Variants in LRRTM4 observed in about 807,000 individuals in gnomAD.
LRRTM4 encodes the protein leucine rich repeat transmembrane neuronal 4, also known as leucine-rich repeat transmembrane neuronal protein 4.
Under a neutral mutation model 47.6 loss-of-function variants are expected in LRRTM4, and 25 were observed. That is an observed-to-expected ratio of 0.53 (90% CI 0.38 to 0.73). The LOEUF is 0.73. Among genes scored for constraint, LRRTM4 ranks in the 30% least tolerant of loss-of-function variants. The probability of loss-of-function intolerance (pLI) is 0.00; values close to 1 mark genes in which losing one functional copy is unlikely to be tolerated. For synonymous variants in LRRTM4, 311 were observed against 269.5 expected, an observed-to-expected ratio of 1.15 and a Z score of -1.51; for missense variants, 638 against 713.4, an observed-to-expected ratio of 0.89 and a Z score of 1.20.
intron 3 of LRRTM4, among the ~76,000 whole-genome samples, chr2:77,410,751 G>A (rs916390933): frequency 6.6e-6 from 1 of 152,088 alleles, no homozygotes; most frequent in East Asian, 1.9e-4. Flanking sequence ...GTGAAGGGAG[G>A]GTTATTAAAA....
intron 3 of LRRTM4, among the ~76,000 whole-genome samples, chr2:76,948,620 G>C (rs1291316864): frequency 6.6e-6 from 1 of 151,756 alleles, no homozygotes; most frequent in African/African-American, 2.4e-5. Flanking sequence ...TAAACCACCA[G>C]AGATAATTTA....
intron 3 of LRRTM4, among the ~76,000 whole-genome samples, chr2:77,432,620 G>A (rs1272636909): frequency 6.6e-6 from 1 of 152,162 alleles, no homozygotes; most frequent in Non-Finnish European, 1.5e-5. Context: ...GAGACAGAAA[G>A]GCTAAGAGAT....
chr2:76,890,095 CACTATCA>C (rs1673204096), intron 3 of LRRTM4, among the ~76,000 whole-genome samples: 1 of 151,892 alleles, frequency 6.6e-6, no homozygotes, highest in South Asian at 2.1e-4. Context: ...GTAGCACACA[CACTATCA>C]AAAGCAAGAC....
rs146142597 is a variant in LRRTM4, at chr2:76,749,017, C to G, written c.1552-101G>C. On this transcript the variant is annotated intron_variant, in intron 3 of 3. Coordinates refer to ENST00000409884, the MANE Select transcript of LRRTM4 (RefSeq NM_001134745.3). ...ATTTTTGTTCTCTTTCATGCTGTTT[C>G]AAGTCATCAGCTACAAATTCAACTA... 7.3e-3 allele frequency: 6,212 copies of G among 850,686 alleles called. 132 individuals are homozygous for G. The highest frequency in any genetic ancestry group is 0.062 in the South Asian group (3,763 of 60,250). The allele number at this position is 850,686 out of a possible 1,614,324, so 52.7% of individuals were successfully genotyped here. A position where few individuals can be genotyped will look rare whatever the true frequency, so the allele number is the denominator to read the frequency against.
At chr2:77,197,502 T>C (rs1432005150) in intron 3 of LRRTM4, among the ~76,000 whole-genome samples, 1 of 152,184 alleles carries the variant, frequency 6.6e-6, no homozygotes, top group African/African-American at 2.4e-5. Flanking sequence ...AAAGAAAAAG[T>C]ACATCTTACA....
intron 3 of LRRTM4, among the ~76,000 whole-genome samples, chr2:77,248,664 A>G (rs1388300105): frequency 6.6e-6 from 1 of 152,194 alleles, no homozygotes; most frequent in Non-Finnish European, 1.5e-5. Flanking sequence ...AGTTATAGCA[A>G]TCGTGACAGT....
intron 3 of LRRTM4, among the ~76,000 whole-genome samples, chr2:76,902,927 G>A (rs998655575): frequency 2.0e-5 from 3 of 152,122 alleles, no homozygotes; most frequent in Non-Finnish European, 4.4e-5. Flanking sequence ...TCTATTTCCA[G>A]GGACTCTGAG....
chr2:77,243,851 T>C (rs927331654), intron 3 of LRRTM4, among the ~76,000 whole-genome samples: 2 of 144,350 alleles, frequency 1.4e-5, no homozygotes, highest in Non-Finnish European at 3.0e-5. Context: ...ACATGTGCCA[T>C]GCTGCTGCGC....
intron 3 of LRRTM4, among the ~76,000 whole-genome samples, chr2:77,061,378 G>GAA (rs957806294): frequency 6.6e-6 from 1 of 151,500 alleles, no homozygotes; most frequent in Non-Finnish European, 1.5e-5. Flanking sequence ...ACCAAAATCT[G>GAA]AAAAAAAAGT....
chr2:77,209,480 AC>A (rs369380470), intron 3 of LRRTM4, among the ~76,000 whole-genome samples: 98 of 152,212 alleles, frequency 6.4e-4, no homozygotes, highest in African/African-American at 2.4e-3. Context: ...CTGCAAAAGC[AC>A]AAAAATTGCA....
At chr2:77,310,056 T>G (rs1677408391) in intron 3 of LRRTM4, among the ~76,000 whole-genome samples, 1 of 152,116 alleles carries the variant, frequency 6.6e-6, no homozygotes, top group Admixed American at 6.5e-5. Flanking sequence ...AAAAAAAACT[T>G]TTTTTGGCTC....
intron 3 of LRRTM4, among the ~76,000 whole-genome samples, chr2:77,184,216 TA>T (rs1673436237): frequency 6.6e-6 from 1 of 152,016 alleles, no homozygotes; most frequent in African/African-American, 2.4e-5. Flanking sequence ...GAAAACATAT[TA>T]AAAGGAATTC....
At chr2:76,760,249 C>A (rs1361766263) in intron 3 of LRRTM4, among the ~76,000 whole-genome samples, 2 of 152,092 alleles carry the variant, frequency 1.3e-5, no homozygotes, top group Non-Finnish European at 2.9e-5. Context: ...TATTTGCATA[C>A]CTGGCACTGT....
chr2:77,165,218 G>T (rs1573027947), intron 3 of LRRTM4, among the ~76,000 whole-genome samples: 1 of 152,000 alleles, frequency 6.6e-6, no homozygotes, highest in Admixed American at 6.6e-5. Context: ...TCTAGAAAAA[G>T]TGGATAAATT....
In LRRTM4 at chr2:76,749,842, A is replaced by G. The variant is rs1672786373; in HGVS notation, c.1552-926T>C. 4.6e-5 allele frequency among the ~76,000 whole-genome samples: 7 copies of G among 152,228 alleles called. No homozygotes were observed. In the South Asian group the frequency reaches 1.4e-3, roughly 32 times the overall value. On this transcript the variant is annotated intron_variant, in intron 3 of 3. Transcript: ENST00000409884. The stretch of plus-strand genomic sequence containing the variant: ...GTTCTCATGCTAGAATATTTCTCAT[A>G]CTTGCGAGTTACAATTTGACACTCT...
chr2:76,979,903 T>C (rs1676547578), intron 3 of LRRTM4, among the ~76,000 whole-genome samples: 1 of 151,880 alleles, frequency 6.6e-6, no homozygotes, highest in South Asian at 2.1e-4. Flanking sequence ...CACCCCTTCT[T>C]CTGGAAATAA....
intron 3 of LRRTM4, among the ~76,000 whole-genome samples, chr2:76,924,555 G>A (rs796406510): frequency 8.6e-5 from 13 of 151,586 alleles, no homozygotes; most frequent in African/African-American, 2.9e-4. Context: ...GAAGGTGGTA[G>A]AAGAATAAAT....
intron 3 of LRRTM4, among the ~76,000 whole-genome samples, chr2:77,135,883 A>T (rs961085257): frequency 2.0e-5 from 3 of 151,964 alleles, no homozygotes; most frequent in East Asian, 1.9e-4. Flanking sequence ...AAATTTTTAC[A>T]TTTTTTTTAC....
chr2:77,125,005 T>G (rs1320966522), intron 3 of LRRTM4, among the ~76,000 whole-genome samples: 2 of 152,202 alleles, frequency 1.3e-5, no homozygotes, highest in Admixed American at 6.5e-5. Flanking sequence ...GTCAGTTGCT[T>G]CTTTCTCTAT....
Sources: allele counts gnomAD v4.1 joint callset (sites outside exome capture counted in the v4.1 genomes callset), GRCh38; gene constraint gnomAD v4.1.1; transcripts MANE v1.5; gene names NCBI Gene and HGNC (gene_info 2026-07-23, HGNC 2026-07-21).